NEDD4: variants seen among roughly 807,000 people sequenced by gnomAD.
NEDD4 encodes the protein E3 ubiquitin-protein ligase NEDD4.
Under a neutral mutation model 144.9 loss-of-function variants are expected in NEDD4, and 99 were observed. That is an observed-to-expected ratio of 0.68 (90% CI 0.58 to 0.81). The LOEUF is 0.81. Ranked by LOEUF, NEDD4 falls within the 30% of genes least tolerant of loss-of-function variation. The pLI is 0.00. For synonymous variants in NEDD4, 318 were observed against 350.6 expected (o/e 0.91, Z 1.04); for missense variants, 985 against 1,065.9 (o/e 0.92, Z 1.06).
At chr15:55,950,305 C>G (rs1481812378) in intron 4 of NEDD4, among the ~76,000 whole-genome samples, 3 of 152,192 alleles carry the variant, frequency 2.0e-5, no homozygotes, top group African/African-American at 2.4e-5. Context: ...ACAGAAGCAA[C>G]TTAATTGATG....
At chr15:55,990,283 A>G (rs1595892940) in intron 1 of NEDD4, among the ~76,000 whole-genome samples, 1 of 152,144 alleles carries the variant, frequency 6.6e-6, no homozygotes, top group South Asian at 2.1e-4. Context: ...ACTATCTTCC[A>G]TGAAACCGGT....
intron 1 of NEDD4, among the ~76,000 whole-genome samples, chr15:55,985,368 T>C (rs1178695525): frequency 6.6e-6 from 1 of 152,144 alleles, no homozygotes; most frequent in African/African-American, 2.4e-5. Flanking sequence ...AGGAGGGAGA[T>C]ACCATACAGA....
intron 4 of NEDD4, among the ~76,000 whole-genome samples, chr15:55,927,420 C>T (rs1472007866): frequency 6.6e-6 from 1 of 152,122 alleles, no homozygotes; most frequent in Non-Finnish European, 1.5e-5. Context: ...CCCACCTCAG[C>T]CTCCTGAGGG....
chr15:55,916,909 G>A (rs2036469051), intron 5 of NEDD4: 2 of 1,511,222 alleles, frequency 1.3e-6, no homozygotes. Flanking sequence ...AGAAGCAGCT[G>A]CACTGCATCA....
At chr15:55,937,271 A>G (rs1178189772) in intron 4 of NEDD4, among the ~76,000 whole-genome samples, 2 of 152,190 alleles carry the variant, frequency 1.3e-5, no homozygotes, top group Non-Finnish European at 2.9e-5. Flanking sequence ...TTGCTGTAAT[A>G]TGTTATCTCA....
At chr15:55,862,463 C>T (rs1182143748) in intron 9 of NEDD4, among the ~76,000 whole-genome samples, 2 of 152,126 alleles carry the variant, frequency 1.3e-5, no homozygotes, top group Admixed American at 6.6e-5. Context: ...TGGACATTGA[C>T]CAGACTGTCA....
At chr15:55,881,578 A>G (rs2035194446) in intron 5 of NEDD4, among the ~76,000 whole-genome samples, 1 of 152,228 alleles carries the variant, frequency 6.6e-6, no homozygotes, top group Admixed American at 6.5e-5. Flanking sequence ...GAGGAATAAA[A>G]TATTTTGGGT....
intron 26 of NEDD4, 138 bp downstream of exon 26, chr15:55,833,900 T>C: frequency 9.1e-6 from 6 of 656,356 alleles, no homozygotes; most frequent in Non-Finnish European, 1.6e-5. Flanking sequence ...CAGTATAAAA[T>C]CAAAGATAAT....
chr15:55,830,673 T>TAC (rs759031516), intron 27 of NEDD4, 87 bp from the exon 28 acceptor site: 31 of 965,252 alleles, frequency 3.2e-5, no homozygotes, highest in African/African-American at 6.4e-5. Flanking sequence ...CACTAGTTCC[T>TAC]ACACACACAC....
At chr15:55,929,199 C>T (rs74015341) in intron 4 of NEDD4, among the ~76,000 whole-genome samples, 2,953 of 152,248 alleles carry the variant, frequency 0.019, 109 homozygotes, top group African/African-American at 0.068. Context: ...CAAATACCAC[C>T]TTAGCCTCCA....
chr15:55,927,742 A>G (rs941853329), intron 4 of NEDD4, among the ~76,000 whole-genome samples: 16 of 152,156 alleles, frequency 1.1e-4, no homozygotes, highest in Admixed American at 1.3e-4. Flanking sequence ...GGTGCACAAA[A>G]TGAATTGGAC....
rs59333206 is a variant in NEDD4, at chr15:55,951,306, A to G, written c.237+70T>C. The G allele has an allele frequency of 4.5e-3, 3,010 of 666,926 alleles. 77 individuals are homozygous for G. The African/African-American group carries it at 0.051, about 11-fold the overall frequency. The allele number at this position is 666,926 out of a possible 1,614,324, so 41.3% of individuals were successfully genotyped here. Reference sequence around the variant, plus strand: ...ACATCTTCAAATATTAAAAATGAGAATTTATCATTCTAACCTCCTAAGAAA... The same window carrying G: ...ACATCTTCAAATATTAAAAATGAGAGTTTATCATTCTAACCTCCTAAGAAA... On this transcript the variant is annotated intron_variant, in intron 4 of 28. Coordinates refer to ENST00000435532, the MANE Select transcript of NEDD4 (RefSeq NM_006154.4).
rs1200708816 is a variant in NEDD4, at chr15:55,848,373, G to A, written c.1541C>T (p.Pro514Leu). 6.2e-7 allele frequency: 1 copy of A among 1,613,744 alleles called. No homozygotes were observed. Among genetic ancestry groups the A allele is most frequent in the African/African-American group, 1.3e-5 (1 of 74,890 alleles). ...PRLENVAITG[P>L]AVPYSRDYKR... ...GAGCACACTGGCAGAGAGACTTACT[G>A]GTCCAGTTATTGCTACATTCTCCAA... is the stretch of plus-strand genomic sequence containing the variant. The change falls in exon 17 of 29, where the codon CCA (proline) becomes CTA (leucine). Residue 514 changes from proline (P) to leucine (L), a missense_variant and splice_region_variant. By Grantham distance (98) the Pro-to-Leu change is moderately conservative (BLOSUM62 -3). Transcript: ENST00000435532.
intron 1 of NEDD4, among the ~76,000 whole-genome samples, chr15:55,968,950 A>G (rs552092320): frequency 2.0e-5 from 3 of 152,344 alleles, no homozygotes; most frequent in East Asian, 3.9e-4. Flanking sequence ...CTAACAAGAA[A>G]GCACCTACAT....
chr15:55,843,623 A>C (rs1258664670), intron 18 of NEDD4, among the ~76,000 whole-genome samples: 1 of 152,120 alleles, frequency 6.6e-6, no homozygotes, highest in African/African-American at 2.4e-5. Context: ...GTTAGCTCTA[A>C]GGAAAAAAAA....
Position 55,883,291 on chromosome 15 carries a change from ACTCTGCCT to A in NEDD4, c.292-9291_292-9284del, listed in dbSNP as rs1167508077. ...CTGTGGCAGGAGTGGCCACGGAGAG[ACTCTGCCT>A]GTGGAAAGAGAAGGGAAGAGTGGGA... On this transcript the variant is annotated intron_variant, in intron 5 of 28. Transcript: ENST00000435532. Among the ~76,000 whole-genome samples the A allele has an allele frequency of 1.3e-3, 197 of 151,968 alleles. 1 individual carries two copies. Among genetic ancestry groups the A allele is most frequent in the African/African-American group, 4.7e-3 (194 of 41,456 alleles).
At position 55,848,891 on chromosome 15, in the gene NEDD4, T is replaced by G; in HGVS notation, c.1348-5A>C. ...AATTTTCAATCTTGGATCTTCCTTT[T>G]TTGGTAGAGTAAATAAAGAACAATA... On this transcript the variant is annotated splice_polypyrimidine_tract_variant and splice_region_variant and intron_variant, in intron 14 of 28. Coordinates refer to ENST00000435532, the MANE Select transcript of NEDD4 (RefSeq NM_006154.4). 1.2e-6 allele frequency: 2 copies of G among 1,611,264 alleles called. No individual in the cohort carries two copies. The highest frequency in any genetic ancestry group is 1.7e-6 in the Non-Finnish European group (2 of 1,177,582).
intron 24 of NEDD4, among the ~76,000 whole-genome samples, chr15:55,836,445 T>C (rs1352901586): frequency 6.6e-6 from 1 of 152,170 alleles, no homozygotes; most frequent in Non-Finnish European, 1.5e-5. Context: ...TAGCTGACTG[T>C]AGCCTCGACT....
intron 11 of NEDD4, among the ~76,000 whole-genome samples, chr15:55,856,780 T>C (rs1317931558): frequency 6.6e-6 from 1 of 152,234 alleles, no homozygotes; most frequent in Non-Finnish European, 1.5e-5. Flanking sequence ...ACTACTTGTT[T>C]CCTGGAAATC....
Sources: allele counts gnomAD v4.1 joint callset (sites outside exome capture counted in the v4.1 genomes callset), GRCh38; gene constraint gnomAD v4.1.1; transcripts MANE v1.5; gene names NCBI Gene and HGNC (gene_info 2026-07-23, HGNC 2026-07-21).